NKAIN2: variants seen among roughly 807,000 people sequenced by gnomAD.
NKAIN2 encodes sodium/potassium-transporting ATPase subunit beta-1-interacting protein 2.
NKAIN2 carries 14 observed loss-of-function variants against 32.6 expected under a neutral mutation model. The ratio of observed to expected loss-of-function variants is 0.43; its 90% confidence interval spans 0.28 to 0.67. NKAIN2 has a LOEUF of 0.67. Among genes scored for constraint, NKAIN2 ranks in the 30% least tolerant of loss-of-function variants. NKAIN2 has a pLI of 0.17. For synonymous variants in NKAIN2, 80 were observed against 87.2 expected (o/e 0.92, Z 0.46); for missense variants, 198 against 258.3 (o/e 0.77, Z 1.60).
At chr6:124,540,664 C>G (rs894374081) in intron 3 of NKAIN2, among the ~76,000 whole-genome samples, 1 of 152,160 alleles carries the variant, frequency 6.6e-6, no homozygotes, top group African/African-American at 2.4e-5. Flanking sequence ...TCCTGACTTA[C>G]AATGATTTGA....
At chr6:124,253,477 T>C (rs534649485) in intron 1 of NKAIN2, among the ~76,000 whole-genome samples, 1 of 152,302 alleles carries the variant, frequency 6.6e-6, no homozygotes, top group South Asian at 2.1e-4. Context: ...AGTTATATTT[T>C]TAAGTCAGTC....
chr6:124,749,542 A>G (rs1777612957), intron 4 of NKAIN2, among the ~76,000 whole-genome samples: 2 of 151,944 alleles, frequency 1.3e-5, no homozygotes, highest in African/African-American at 4.8e-5. Flanking sequence ...CTAATCTTAT[A>G]TGAGCACTCA....
chr6:124,805,052 A>G lies in NKAIN2; in HGVS notation c.536-13335A>G, dbSNP rs571039899. Among the ~76,000 whole-genome samples, 101 of 152,262 alleles carry G rather than the reference A, an allele frequency of 6.6e-4. 1 individual carries two copies. Among genetic ancestry groups the G allele is most frequent in the African/African-American group, 2.3e-3 (94 of 41,570 alleles). Reference sequence around the variant, plus strand: ...AGGCCTGCCTGCCTCTGTAGGCTCCACCTCTGGGGGCAGGGCACAGACAAA... The same window carrying G: ...AGGCCTGCCTGCCTCTGTAGGCTCCGCCTCTGGGGGCAGGGCACAGACAAA... On this transcript the variant is annotated intron_variant, in intron 5 of 6. Coordinates refer to ENST00000368417, the MANE Select transcript of NKAIN2 (RefSeq NM_001040214.3).
intron 4 of NKAIN2, among the ~76,000 whole-genome samples, chr6:124,685,293 C>CTACTT (rs1773815448): frequency 6.6e-6 from 1 of 152,072 alleles, no homozygotes; most frequent in African/African-American, 2.4e-5. Flanking sequence ...GTGAACAATT[C>CTACTT]TACTTTAAAC....
chr6:124,725,687 T>A (rs1776251168), intron 4 of NKAIN2, among the ~76,000 whole-genome samples: 2 of 152,216 alleles, frequency 1.3e-5, no homozygotes, highest in South Asian at 4.1e-4. Flanking sequence ...TAAAAATGAA[T>A]GTGGAAGCAG....
intron 1 of NKAIN2, among the ~76,000 whole-genome samples, chr6:124,087,743 A>G (rs79485666): frequency 0.019 from 2,938 of 152,046 alleles, 84 homozygotes; most frequent in African/African-American, 0.064. Flanking sequence ...TACCACATAA[A>G]CATGTTGTAT....
intron 2 of NKAIN2, among the ~76,000 whole-genome samples, chr6:124,284,065 C>CAG (rs3054413): frequency 0.85 from 129,421 of 151,870 alleles, 55,561 homozygotes; most frequent in African/African-American, 0.95. Flanking sequence ...CTCATTGGTA[C>CAG]AGCCAGGCAA....
chr6:124,797,193 T>A (rs947492226), intron 5 of NKAIN2, among the ~76,000 whole-genome samples: 118 of 115,512 alleles, frequency 1.0e-3, no homozygotes, highest in Middle Eastern at 5.3e-3. Flanking sequence ...AAAAAAAAAA[T>A]CATCATGACT....
In NKAIN2 at chr6:124,363,026, G is replaced by T. The variant is rs978317738; in HGVS notation, c.273+7679G>T. Among the ~76,000 whole-genome samples the T allele has an allele frequency of 5.3e-5, 8 of 152,028 alleles. No individual in the cohort carries two copies. The East Asian group carries it at 5.8e-4, about 11-fold the overall frequency. ...ATTTTTGTATTTTTAGTAGAGATGG[G>T]GTTTTGCAATGTTCGCCAGGCTGGT... On this transcript the variant is annotated intron_variant, in intron 3 of 6. Coordinates refer to ENST00000368417, the MANE Select transcript of NKAIN2 (RefSeq NM_001040214.3).
At chr6:124,816,127 A>G (rs1185827650) in intron 5 of NKAIN2, among the ~76,000 whole-genome samples, 2 of 152,210 alleles carry the variant, frequency 1.3e-5, no homozygotes, top group Non-Finnish European at 2.9e-5. Context: ...GTATCAAGCC[A>G]TGAAAAGTCC....
chr6:124,806,584 C>T (rs1430591139), intron 5 of NKAIN2, among the ~76,000 whole-genome samples: 4 of 151,652 alleles, frequency 2.6e-5, no homozygotes, highest in Admixed American at 6.6e-5. Flanking sequence ...CATCAACTAA[C>T]GAGCAAGATA....
At chr6:123,960,151 C>T (rs1777779676) in intron 1 of NKAIN2, among the ~76,000 whole-genome samples, 7 of 152,078 alleles carry the variant, frequency 4.6e-5, no homozygotes, top group Admixed American at 4.6e-4. Flanking sequence ...TGAATATTGG[C>T]ATCTAGTTCT....
At chr6:124,380,573 G>A (rs574374511) in intron 3 of NKAIN2, among the ~76,000 whole-genome samples, 1 of 152,290 alleles carries the variant, frequency 6.6e-6, no homozygotes, top group African/African-American at 2.4e-5. Context: ...GAAGAAGCCA[G>A]GATCTTTGGA....
chr6:124,015,362 G>C (rs1780518724), intron 1 of NKAIN2, among the ~76,000 whole-genome samples: 1 of 152,122 alleles, frequency 6.6e-6, no homozygotes, highest in Admixed American at 6.6e-5. Flanking sequence ...AAGAGATGCA[G>C]TAAACTCCTC....
rs1018737060 is a variant in NKAIN2 at position 124,825,133 on chromosome 6, T to C, written c.*1904T>C. 4 of 152,752 alleles carry C rather than the reference T, an allele frequency of 2.6e-5. No individual in the cohort carries two copies. The East Asian group carries it at 7.7e-4, about 29-fold the overall frequency. 9.5% of individuals were successfully genotyped at this position (152,752 alleles called of 1,614,324 possible). ...CCTTTGAGTCCTAAAATATAAATAC[T>C]ATACATGCCAGAAACTATTCTAATG... On this transcript the variant is annotated 3_prime_UTR_variant, in exon 7 of 7. Coordinates refer to ENST00000368417, the MANE Select transcript of NKAIN2 (RefSeq NM_001040214.3).
chr6:124,565,811 A>G (rs1014382923), intron 3 of NKAIN2, among the ~76,000 whole-genome samples: 1 of 152,222 alleles, frequency 6.6e-6, no homozygotes, highest in African/African-American at 2.4e-5. Context: ...TCCAAGGGAT[A>G]AGTCCTTCAT....
intron 1 of NKAIN2, among the ~76,000 whole-genome samples, chr6:124,250,792 A>G (rs1003240435): frequency 6.6e-6 from 1 of 152,070 alleles, no homozygotes; most frequent in African/African-American, 2.4e-5. Flanking sequence ...ATATATGAGT[A>G]AATATTGAAT....
intron 1 of NKAIN2, among the ~76,000 whole-genome samples, chr6:123,939,373 A>G (rs1044900089): frequency 6.6e-6 from 1 of 151,984 alleles, no homozygotes; most frequent in African/African-American, 2.4e-5. Context: ...ACACCAGTGG[A>G]CCCATTTACA....
At chr6:124,269,105 C>T (rs1364942036) in intron 1 of NKAIN2, among the ~76,000 whole-genome samples, 1 of 152,126 alleles carries the variant, frequency 6.6e-6, no homozygotes, top group African/African-American at 2.4e-5. Context: ...ACAGAACTTA[C>T]CATTTTGTGC....
Sources: gnomAD v4.1 joint callset for allele counts (sites outside exome capture counted in the v4.1 genomes callset) on GRCh38, gnomAD v4.1.1 for gene constraint, MANE v1.5 for transcripts, NCBI Gene and HGNC (gene_info 2026-07-23, HGNC 2026-07-21) for gene names.